MAGI2: variants seen among roughly 807,000 people sequenced by gnomAD.
MAGI2 encodes membrane associated guanylate kinase, WW and PDZ domain containing 2.
MAGI2 carries 35 observed loss-of-function variants against 133.3 expected under a neutral mutation model. The ratio of observed to expected loss-of-function variants is 0.26; its 90% CI spans 0.20 to 0.35. The LOEUF is 0.35. MAGI2 is among the 10% of genes least tolerant of loss of function. MAGI2 has a pLI of 1.00. For synonymous variants in MAGI2, 729 were observed against 710.6 expected (o/e 1.03, Z -0.41); for missense variants, 1,636 against 1,863.4 (o/e 0.88, Z 2.25).
intron 2 of MAGI2, among the ~76,000 whole-genome samples, chr7:78,923,874 C>T (rs1488331457): frequency 2.0e-5 from 3 of 152,058 alleles, no homozygotes; most frequent in Admixed American, 6.6e-5. Context: ...TTTCATTGAG[C>T]AGTGGTTTGT....
At chr7:79,387,163 T>C (rs189824787) in intron 1 of MAGI2, among the ~76,000 whole-genome samples, 3 of 150,140 alleles carry the variant, frequency 2.0e-5, no homozygotes, top group East Asian at 2.0e-4. Context: ...GCTTCTGAAT[T>C]CAGCTCTCAG....
intron 7 of MAGI2, among the ~76,000 whole-genome samples, chr7:78,367,423 A>G (rs577782306): frequency 6.6e-6 from 1 of 152,382 alleles, no homozygotes; most frequent in Admixed American, 6.5e-5. Flanking sequence ...GGCAGGGGCC[A>G]GCAAACTACG....
chr7:78,318,787 C>T (rs921615893), intron 9 of MAGI2, among the ~76,000 whole-genome samples: 1 of 152,178 alleles, frequency 6.6e-6, no homozygotes, highest in Admixed American at 6.5e-5. Flanking sequence ...AGAAACCCTA[C>T]AAGCCAGAAG....
At chr7:78,246,755 T>C (rs1791831980) in intron 10 of MAGI2, among the ~76,000 whole-genome samples, 1 of 152,212 alleles carries the variant, frequency 6.6e-6, no homozygotes, top group Admixed American at 6.5e-5. Context: ...CTTGACGCTA[T>C]GTCGTATTGG....
chr7:78,304,835 C>A (rs1026472042), intron 9 of MAGI2, among the ~76,000 whole-genome samples: 6 of 152,092 alleles, frequency 3.9e-5, no homozygotes, highest in African/African-American at 1.4e-4. Context: ...GGAAAGTGAG[C>A]CTCGTGAATA....
chr7:78,343,572 G>A (rs1347898539), intron 9 of MAGI2, among the ~76,000 whole-genome samples: 1 of 152,078 alleles, frequency 6.6e-6, no homozygotes, highest in Admixed American at 6.5e-5. Context: ...GTTTAAAAAA[G>A]AAGGCAAAAA....
At chr7:78,847,294 T>C (rs1347332032) in intron 2 of MAGI2, among the ~76,000 whole-genome samples, 3 of 151,998 alleles carry the variant, frequency 2.0e-5, no homozygotes, top group Non-Finnish European at 2.9e-5. Context: ...GTAGACATTA[T>C]AGTTTAAGAA....
chr7:79,213,577 A>C (rs1301079178), intron 1 of MAGI2, among the ~76,000 whole-genome samples: 6 of 152,056 alleles, frequency 3.9e-5, no homozygotes. Flanking sequence ...AAAGCAAGTC[A>C]ATTGTACAAC....
In MAGI2 at chr7:78,488,006, T is replaced by G. The variant is rs61654089; in HGVS notation, c.1045+1755A>C. The stretch of plus-strand genomic sequence containing the variant: ...AAAGCACTTTTCTTGGCAAGAAAAC[T>G]TAAAATAGGTGTCCAGAATAATAAC... On this transcript the variant is annotated intron_variant, in intron 6 of 21. Coordinates refer to ENST00000354212, the MANE Select transcript of MAGI2 (RefSeq NM_012301.4). 2.4e-3 allele frequency among the ~76,000 whole-genome samples: 369 copies of G among 152,114 alleles called. 4 individuals are homozygous for G. Among genetic ancestry groups the G allele is most frequent in the African/African-American group, 8.4e-3 (348 of 41,528 alleles).
chr7:79,235,108 G>C (rs1045891538), intron 1 of MAGI2, among the ~76,000 whole-genome samples: 28 of 151,622 alleles, frequency 1.8e-4, no homozygotes, highest in Middle Eastern at 3.4e-3. Flanking sequence ...GGCTGCTCGG[G>C]GGTCAGGGGT....
intron 6 of MAGI2, among the ~76,000 whole-genome samples, chr7:78,386,936 G>T (rs879371912): frequency 2.0e-5 from 3 of 152,114 alleles, no homozygotes; most frequent in African/African-American, 4.8e-5. Flanking sequence ...CAACTAAATT[G>T]TCATTAATTG....
At chr7:78,098,151 T>C (rs957657503) in intron 20 of MAGI2, among the ~76,000 whole-genome samples, 78 of 152,158 alleles carry the variant, frequency 5.1e-4, no homozygotes, top group African/African-American at 1.8e-3. Flanking sequence ...CTGTTTTGCA[T>C]AAAAATGTCT....
At chr7:79,293,038 G>A (rs546014641) in intron 1 of MAGI2, among the ~76,000 whole-genome samples, 2 of 152,144 alleles carry the variant, frequency 1.3e-5, no homozygotes, top group Non-Finnish European at 2.9e-5. Context: ...CTTTCTGTGG[G>A]TCAGTATGTA....
rs1789896121 is a variant in MAGI2, at chr7:78,460,805, C to G, written c.1045+28956G>C. On this transcript the variant is annotated intron_variant, in intron 6 of 21. Transcript: ENST00000354212. The stretch of plus-strand genomic sequence containing the variant: ...TTACAAATGGTAGCTGTTATCCTGT[C>G]CAGCCTGCCACTCCTGGACACTGCC... 2.0e-5 allele frequency among the ~76,000 whole-genome samples: 3 copies of G among 152,090 alleles called. No individual in the cohort carries two copies. In the South Asian group the frequency reaches 6.2e-4, roughly 32 times the overall value.
At chr7:78,978,350 G>C (rs1191400632) in intron 2 of MAGI2, among the ~76,000 whole-genome samples, 6 of 151,802 alleles carry the variant, frequency 4.0e-5, no homozygotes, top group Non-Finnish European at 8.8e-5. Flanking sequence ...TGGAAAATGA[G>C]TTATGAAGAC....
At chr7:78,967,436 G>C (rs1025588905) in intron 2 of MAGI2, among the ~76,000 whole-genome samples, 1 of 151,960 alleles carries the variant, frequency 6.6e-6, no homozygotes, top group Non-Finnish European at 1.5e-5. Flanking sequence ...CCTTTGGTGT[G>C]ATTTTTAGTT....
At chr7:79,011,522 C>A (rs1461270338) in intron 1 of MAGI2, among the ~76,000 whole-genome samples, 2 of 152,114 alleles carry the variant, frequency 1.3e-5, no homozygotes, top group Non-Finnish European at 2.9e-5. Context: ...TCAGCTCAAC[C>A]TTCCCCTCCC....
intron 6 of MAGI2, among the ~76,000 whole-genome samples, chr7:78,446,860 T>A (rs560239854): frequency 6.6e-6 from 1 of 152,246 alleles, no homozygotes; most frequent in Non-Finnish European, 1.5e-5. Context: ...CAACCATATA[T>A]CAGCCGAAGA....
rs572908676 is a variant in MAGI2, at chr7:79,299,531, G to A, written c.301+153489C>T. 3.1e-4 allele frequency among the ~76,000 whole-genome samples: 25 copies of A among 81,450 alleles called. 1 individual carries two copies. In the East Asian group the frequency reaches 0.011, roughly 35 times the overall value. The allele number at this position is 81,450 out of a possible 152,430, so 53.4% of individuals were successfully genotyped here. A position where few individuals can be genotyped will look rare whatever the true frequency, so the allele number is the denominator to read the frequency against. On this transcript the variant is annotated intron_variant, in intron 1 of 21. Coordinates refer to ENST00000354212, the MANE Select transcript of MAGI2 (RefSeq NM_012301.4). ...AGATTGCGCCACTGCACTCCAGCCT[G>A]GAGACAGAGCAAGACTCCATCTCAA... is the stretch of plus-strand genomic sequence containing the variant.
Sources: gnomAD v4.1 joint callset for allele counts (sites outside exome capture counted in the v4.1 genomes callset) on GRCh38, gnomAD v4.1.1 for gene constraint, MANE v1.5 for transcripts, NCBI Gene and HGNC (gene_info 2026-07-23, HGNC 2026-07-21) for gene names.